The following DIAPH2 variants were observed in gnomAD, a reference collection of about 807,000 sequenced individuals.
DIAPH2 encodes protein diaphanous homolog 2.
A neutral mutation model predicts 92.7 loss-of-function variants in DIAPH2; 35 were observed. The observed-to-expected ratio is 0.38, with a 90% CI of 0.29 to 0.50. The LOEUF is 0.50. Among genes scored for constraint, DIAPH2 ranks in the 20% least tolerant of loss-of-function variants. DIAPH2 has a pLI of 0.94. For synonymous variants in DIAPH2, 301 were observed against 280.4 expected (o/e 1.07, Z -0.73); for missense variants, 701 against 819.5 (o/e 0.86, Z 1.77).
intron 4 of DIAPH2, among the ~76,000 whole-genome samples, chrX:96,777,930 G>A (rs1047111357): frequency 1.4e-4 from 15 of 109,321 alleles, no homozygotes; most frequent in Non-Finnish European, 2.1e-4. Context: ...TGTGCACAGT[G>A]TGCAGGTTTG....
intron 17 of DIAPH2, among the ~76,000 whole-genome samples, chrX:96,968,248 C>T (rs1163852563): frequency 9.1e-6 from 1 of 109,814 alleles, no homozygotes; most frequent in African/African-American, 3.3e-5. Context: ...GACAGAGTTT[C>T]GCTCTTGCTG....
chrX:97,299,802 G>C (rs1418082881), intron 23 of DIAPH2, among the ~76,000 whole-genome samples: 1 of 111,730 alleles, frequency 9.0e-6, no homozygotes, highest in Non-Finnish European at 1.9e-5. Flanking sequence ...TTAAATCAAG[G>C]CTCTTTCATA....
intron 26 of DIAPH2, among the ~76,000 whole-genome samples, chrX:97,531,643 T>C (rs1174266682): frequency 8.9e-6 from 1 of 112,261 alleles, no homozygotes; most frequent in Non-Finnish European, 1.9e-5. Context: ...CTCAGTGTTT[T>C]ACTGAAGTAA....
In DIAPH2 at chrX:97,604,531, T is replaced by C. The variant is rs1019904208; in HGVS notation, c.*5214T>C. On this transcript the variant is annotated 3_prime_UTR_variant, in exon 27 of 27. Transcript: ENST00000324765. ...AAAAGCTATTGTCTGCACAGGCTGC[T>C]GCATGCTCTGTTGTTAAATGGATGG... The C allele has an allele frequency of 1.8e-5, 2 of 112,276 alleles. No homozygotes were observed. Among genetic ancestry groups the C allele is most frequent in the African/African-American group, 6.5e-5 (2 of 30,793 alleles). 9.3% of individuals were successfully genotyped at this position (112,276 alleles called of 1,213,427 possible).
intron 21 of DIAPH2, among the ~76,000 whole-genome samples, chrX:97,139,462 A>C (rs775523751): frequency 3.7e-5 from 4 of 108,385 alleles, no homozygotes; most frequent in African/African-American, 1.0e-4. Flanking sequence ...TTTTAAAAAA[A>C]AACAACAAAT....
At chrX:96,990,546 C>T (rs576389087) in intron 17 of DIAPH2, among the ~76,000 whole-genome samples, 12 of 111,373 alleles carry the variant, frequency 1.1e-4, no homozygotes, top group African/African-American at 3.0e-4. Context: ...TGCTCCTCTA[C>T]CCTGTTTTTT....
chrX:97,299,373 T>C (rs1302136449), intron 23 of DIAPH2, among the ~76,000 whole-genome samples: 1 of 111,983 alleles, frequency 8.9e-6, no homozygotes, highest in Non-Finnish European at 1.9e-5. Flanking sequence ...TGTTTCATTT[T>C]AGAGAGTGCT....
chrX:96,904,917 G>A (rs1027556379), intron 5 of DIAPH2, among the ~76,000 whole-genome samples: 1 of 111,409 alleles, frequency 9.0e-6, no homozygotes, highest in Non-Finnish European at 1.9e-5. Flanking sequence ...CCAAATTTCT[G>A]AATTCCCCCA....
chrX:97,509,455 A>T (rs868820280), intron 26 of DIAPH2, among the ~76,000 whole-genome samples: 1 of 81,518 alleles, frequency 1.2e-5, no homozygotes, highest in African/African-American at 4.5e-5. Context: ...TTTTTTTTAA[A>T]TTGGCATTCA....
At chrX:97,456,388 GAA>G (rs373802724) in intron 26 of DIAPH2, among the ~76,000 whole-genome samples, 2 of 88,821 alleles carry the variant, frequency 2.3e-5, no homozygotes. Context: ...CTCCGTCTCA[GAA>G]AAAAAAAAAA....
chrX:97,043,403 T>C (rs1274655018), intron 17 of DIAPH2, among the ~76,000 whole-genome samples: 2 of 111,025 alleles, frequency 1.8e-5, no homozygotes, highest in African/African-American at 6.5e-5. Context: ...TTGGGATCTT[T>C]TAAGTTTCAT....
At position 96,778,487 on chromosome X, in the gene DIAPH2, C is replaced by G. The variant is rs963817078; in HGVS notation, c.447+20229C>G. Among the ~76,000 whole-genome samples the G allele has an allele frequency of 8.1e-5, 9 of 110,603 alleles. No individual in the cohort carries two copies. In the Admixed American group the frequency reaches 8.7e-4, roughly 11 times the overall value. Reference sequence around the variant, plus strand: ...TTTACTCCTAAATACTTAAGCATGTCTCTCTTACGAACAGGGACTTTCTCC... The same window carrying G: ...TTTACTCCTAAATACTTAAGCATGTGTCTCTTACGAACAGGGACTTTCTCC... On this transcript the variant is annotated intron_variant, in intron 4 of 26. Transcript: ENST00000324765.
intron 26 of DIAPH2, among the ~76,000 whole-genome samples, chrX:97,474,623 G>A (rs1029922468): frequency 1.3e-4 from 14 of 110,306 alleles, no homozygotes; most frequent in East Asian, 5.7e-4. Flanking sequence ...AACATTAGCC[G>A]GGTGTGGTGG....
chrX:97,184,699 A>G (rs906890333), intron 22 of DIAPH2, among the ~76,000 whole-genome samples: 3 of 111,822 alleles, frequency 2.7e-5, no homozygotes, highest in African/African-American at 9.8e-5. Flanking sequence ...TAGTAATGTT[A>G]AGGCAGTTGG....
In DIAPH2 at chrX:97,416,902, A is replaced by T. The variant is rs140934628; in HGVS notation, c.3146-12748A>T. ...CTTCCCTGCCCCAAGCCACTAGTGG[A>T]TCTAATTTCTCTAAGGAAAAAGAGG... On this transcript the variant is annotated intron_variant, in intron 25 of 26. Transcript: ENST00000324765. 5.6e-3 allele frequency among the ~76,000 whole-genome samples: 630 copies of T among 112,332 alleles called. 2 individuals carry two copies. Among genetic ancestry groups the T allele is most frequent in the African/African-American group, 0.019 (598 of 30,899 alleles).
At chrX:96,936,697 C>G (rs1359753548) in intron 10 of DIAPH2, among the ~76,000 whole-genome samples, 1 of 111,761 alleles carries the variant, frequency 8.9e-6, no homozygotes, top group African/African-American at 3.2e-5. Context: ...AGATGTACAG[C>G]TTAATAAAAA....
At chrX:96,830,661 A>G (rs1299547128) in intron 4 of DIAPH2, among the ~76,000 whole-genome samples, 6 of 109,774 alleles carry the variant, frequency 5.5e-5, no homozygotes, top group Admixed American at 9.8e-5. Flanking sequence ...TCATAGCTAC[A>G]GAAATACAAA....
chrX:97,311,977 G>A (rs1392292402), intron 23 of DIAPH2, among the ~76,000 whole-genome samples: 3 of 110,126 alleles, frequency 2.7e-5, no homozygotes, highest in African/African-American at 9.9e-5. Flanking sequence ...ACAGGCGCCC[G>A]CCACCAAGCC....
chrX:96,814,523 T>G (rs1358952446), intron 4 of DIAPH2, among the ~76,000 whole-genome samples: 1 of 112,210 alleles, frequency 8.9e-6, no homozygotes, highest in Non-Finnish European at 1.9e-5. Flanking sequence ...GAAGCCTACT[T>G]CTGTCAGCTC....
Sources: gnomAD v4.1 joint callset for allele counts (sites outside exome capture counted in the v4.1 genomes callset) on GRCh38, gnomAD v4.1.1 for gene constraint, MANE v1.5 for transcripts, NCBI Gene and HGNC (gene_info 2026-07-23, HGNC 2026-07-21) for gene names.